Variants in JADE3 observed in about 807,000 individuals in gnomAD.
The protein encoded by JADE3 is jade family PHD finger 3.
A neutral mutation model predicts 50.1 loss-of-function variants in JADE3; 2 were observed. The observed-to-expected ratio is 0.04, with a 90% CI of 0.02 to 0.13. The LOEUF (loss-of-function observed/expected upper bound fraction) is 0.13. Among genes scored for constraint, JADE3 ranks in the 10% least tolerant of loss-of-function variants. JADE3 has a pLI of 1.00. For missense variants in JADE3, 475 were observed against 634.4 expected (o/e 0.75, Z 2.70); for synonymous variants, 218 against 232.9 (o/e 0.94, Z 0.58).
At chrX:46,959,714 A>G (rs1403516314) in intron 1 of JADE3, among the ~76,000 whole-genome samples, 1 of 110,110 alleles carries the variant, frequency 9.1e-6, no homozygotes, top group Admixed American at 9.7e-5. Flanking sequence ...AGTCCAGAGT[A>G]GGGGGTAGGA....
intron 4 of JADE3, 101 bp downstream of exon 4, chrX:46,998,378 CA>C: frequency 1.4e-6 from 1 of 729,109 alleles, no homozygotes; most frequent in Non-Finnish European, 2.1e-6. Context: ...ATTTATAGTA[CA>C]AAGTCACATA....
At chrX:46,950,854 T>C (rs1556344762) in intron 1 of JADE3, among the ~76,000 whole-genome samples, 3 of 111,117 alleles carry the variant, frequency 2.7e-5, no homozygotes, top group Admixed American at 9.6e-5. Flanking sequence ...TTAAAATAGT[T>C]CTTGTTTAGG....
intron 1 of JADE3, among the ~76,000 whole-genome samples, chrX:46,975,529 G>A (rs1225690169): frequency 9.1e-6 from 1 of 109,807 alleles, no homozygotes; most frequent in Non-Finnish European, 1.9e-5. Context: ...AAACATCTTA[G>A]CATAAATGTT....
intron 7 of JADE3, among the ~76,000 whole-genome samples, chrX:47,036,170 T>G (rs1202344090): frequency 9.0e-6 from 1 of 111,201 alleles, no homozygotes; most frequent in Admixed American, 9.5e-5. Context: ...AAAGCATCCC[T>G]TTTTTGATGG....
rs782513026 is a variant in JADE3, at chrX:46,987,647, C to G, written c.126+1855C>G. Among the ~76,000 whole-genome samples the G allele has an allele frequency of 2.7e-5, 3 of 112,137 alleles. No homozygotes were observed. The South Asian group carries it at 1.1e-3, about 42-fold the overall frequency. ...AGAAAGACTTAGGGAATATAACACA[C>G]ATAAACAGGAGTGGAAGAAATTTCC... On this transcript the variant is annotated intron_variant, in intron 3 of 10. Coordinates refer to ENST00000614628, the MANE Select transcript of JADE3 (RefSeq NM_014735.5).
At position 46,938,181 on chromosome X, in the gene JADE3, G is replaced by A. The variant is rs534750880; in HGVS notation, c.-12+25462G>A. Among the ~76,000 whole-genome samples the A allele has an allele frequency of 9.0e-5, 10 of 111,521 alleles. No homozygotes were observed. The South Asian group carries it at 3.7e-3, about 42-fold the overall frequency. The stretch of plus-strand genomic sequence containing the variant: ...TAATGTTTAGACCACTACATTTAAT[G>A]TAATTATTGATATGATTGTTTTACA... On this transcript the variant is annotated intron_variant, in intron 1 of 10. Transcript: ENST00000614628.
chrX:46,944,045 G>A (rs1335921934), intron 1 of JADE3, among the ~76,000 whole-genome samples: 2 of 110,847 alleles, frequency 1.8e-5, no homozygotes, highest in African/African-American at 6.6e-5. Flanking sequence ...TGTGGGGTCA[G>A]TGTAATGTTA....
chrX:47,018,882 T>C (rs181826577), intron 4 of JADE3, among the ~76,000 whole-genome samples: 30 of 111,729 alleles, frequency 2.7e-4, no homozygotes, highest in African/African-American at 9.1e-4. Flanking sequence ...AGCTGGGCAC[T>C]GGAATCAACT....
chrX:46,934,914 G>A (rs1432071194), intron 1 of JADE3, among the ~76,000 whole-genome samples: 1 of 111,357 alleles, frequency 9.0e-6, no homozygotes, highest in Admixed American at 9.5e-5. Context: ...ATATTTATGA[G>A]GGTCAGTTTC....
chrX:46,970,686 T>G (rs1259272150), intron 1 of JADE3, among the ~76,000 whole-genome samples: 2 of 111,778 alleles, frequency 1.8e-5, no homozygotes, highest in Non-Finnish European at 3.8e-5. Context: ...TCAGTAAGTT[T>G]GGGGTCATTT....
chrX:46,974,034 T>TGGA (rs1269746584), intron 1 of JADE3, among the ~76,000 whole-genome samples: 1 of 101,998 alleles, frequency 9.8e-6, no homozygotes, highest in African/African-American at 3.7e-5. Context: ...GAGCCAAGAT[T>TGGA]GCGCTATTGC....
intron 1 of JADE3, among the ~76,000 whole-genome samples, chrX:46,920,510 G>A (rs782649466): frequency 8.9e-6 from 1 of 112,859 alleles, no homozygotes; most frequent in Non-Finnish European, 1.9e-5. Context: ...TTTCAATAGA[G>A]CTGTGGTAAA....
rs1929719446 is a variant in JADE3 at position 47,059,629 on chromosome X, A to G, written c.*552A>G. 1 of 112,500 alleles carries G rather than the reference A, an allele frequency of 8.9e-6. No homozygotes were observed. Among genetic ancestry groups the G allele is most frequent in the Admixed American group, 9.5e-5 (1 of 10,509 alleles). 9.3% of individuals were successfully genotyped at this position (112,500 alleles called of 1,213,427 possible). A position where few individuals can be genotyped will look rare whatever the true frequency, so the allele number is the denominator to read the frequency against. The stretch of plus-strand genomic sequence containing the variant: ...CACAAGGTTGAGTTTCTTTCACAGT[A>G]TCTTAACTTACTGAGTCAATACTCC... On this transcript the variant is annotated 3_prime_UTR_variant, in exon 11 of 11. Coordinates refer to ENST00000614628, the MANE Select transcript of JADE3 (RefSeq NM_014735.5).
At chrX:46,977,449 C>T (rs782201707) in intron 1 of JADE3, among the ~76,000 whole-genome samples, 18 of 111,863 alleles carry the variant, frequency 1.6e-4, no homozygotes, top group Non-Finnish European at 3.0e-4. Flanking sequence ...ATCTATCACC[C>T]CCAAAAGTTT....
intron 8 of JADE3, among the ~76,000 whole-genome samples, chrX:47,049,226 C>T (rs1392771300): frequency 3.4e-5 from 3 of 87,918 alleles, no homozygotes; most frequent in Admixed American, 1.4e-4. Context: ...CTTGCTCTGT[C>T]GCCCAGGCTG....
chrX:46,961,075 T>C (rs1388366619), intron 1 of JADE3, among the ~76,000 whole-genome samples: 1 of 112,100 alleles, frequency 8.9e-6, no homozygotes, highest in Admixed American at 9.5e-5. Flanking sequence ...CAGGAAAATT[T>C]GTGAGGGGAG....
At chrX:47,035,562 C>T (rs1014460485) in intron 7 of JADE3, among the ~76,000 whole-genome samples, 4 of 111,349 alleles carry the variant, frequency 3.6e-5, no homozygotes, top group Non-Finnish European at 7.5e-5. Context: ...AGGAAGAGCT[C>T]TTTAAAAACA....
At chrX:46,981,325 A>G (rs1927749218) in intron 1 of JADE3, among the ~76,000 whole-genome samples, 1 of 112,475 alleles carries the variant, frequency 8.9e-6, no homozygotes, top group African/African-American at 3.2e-5. Context: ...AACAATTTTT[A>G]TATATGCAAC....
intron 1 of JADE3, among the ~76,000 whole-genome samples, chrX:46,934,956 C>T (rs1202755139): frequency 9.0e-5 from 10 of 111,176 alleles, no homozygotes; most frequent in African/African-American, 3.3e-4. Flanking sequence ...GGTTTATTCT[C>T]AGTCTCACTC....
Sources: gnomAD v4.1 joint callset for allele counts (sites outside exome capture counted in the v4.1 genomes callset) on GRCh38, gnomAD v4.1.1 for gene constraint, MANE v1.5 for transcripts, NCBI Gene and HGNC (gene_info 2026-07-23, HGNC 2026-07-21) for gene names.